WNK2: variants seen among roughly 807,000 people sequenced by gnomAD.
The protein encoded by WNK2 is serine/threonine-protein kinase WNK2.
Under a neutral mutation model 192.1 loss-of-function variants are expected in WNK2, and 67 were observed. That is an observed-to-expected ratio of 0.35 (90% CI 0.29 to 0.43). The LOEUF (loss-of-function observed/expected upper bound fraction) is 0.43, where lower values mean the gene tolerates loss of function less well. Among genes scored for constraint, WNK2 ranks in the 20% least tolerant of loss-of-function variants. The pLI is 1.00. For missense variants in WNK2, 2,698 were observed against 3,089.7 expected (o/e 0.87, Z 3.01); for synonymous variants, 1,439 against 1,393.9 (o/e 1.03, Z -0.72).
intron 7 of WNK2, among the ~76,000 whole-genome samples, chr9:93,246,959 A>G (rs1052342408): frequency 6.6e-6 from 1 of 152,258 alleles, no homozygotes; most frequent in African/African-American, 2.4e-5. Flanking sequence ...TGGCGAGCTC[A>G]TGATGTTTCC....
chr9:93,231,222 A>G, intron 4 of WNK2, 114 bp downstream of exon 4: 1 of 1,054,264 alleles, frequency 9.5e-7, no homozygotes, highest in Non-Finnish European at 1.4e-6. Context: ...CAGTGGGAGG[A>G]GCGTCTGGGC....
At chr9:93,249,721 G>A (rs557098236) in intron 8 of WNK2, among the ~76,000 whole-genome samples, 11 of 151,954 alleles carry the variant, frequency 7.2e-5, no homozygotes, top group South Asian at 4.2e-4. Flanking sequence ...TGATCCGCCC[G>A]CCTCAGCCTC....
chr9:93,256,907 C>T, intron 10 of WNK2, 41 bp from the exon 11 acceptor site: 1 of 1,511,624 alleles, frequency 6.6e-7, no homozygotes. Context: ...CTTGTCTGGG[C>T]AGATTGGTGG....
chr9:93,226,076 C>T (rs1044731956), intron 2 of WNK2, among the ~76,000 whole-genome samples: 25 of 152,196 alleles, frequency 1.6e-4, no homozygotes, highest in Admixed American at 1.1e-3. Flanking sequence ...CGTTTGACAG[C>T]GTGTAGAATT....
rs765659687 is a variant in WNK2, at chr9:93,318,390, C to T, written c.6628+759C>T. On this transcript the variant is annotated intron_variant, in intron 29 of 29. Transcript: ENST00000427277. ...CTTTGTCCTCAGTAGAGTGCCGGTT[C>T]CCTGGGCTCATCCAGGGGCTGAGAG... 12 of 1,613,990 alleles carry T rather than the reference C, an allele frequency of 7.4e-6. No homozygotes were observed. The South Asian group carries it at 1.3e-4, about 18-fold the overall frequency.
chr9:93,208,271 C>T (rs1222848517), intron 2 of WNK2, among the ~76,000 whole-genome samples: 2 of 152,156 alleles, frequency 1.3e-5, no homozygotes, highest in African/African-American at 4.8e-5. Context: ...TGTTATCTGC[C>T]GCCCTCTCAC....
intron 26 of WNK2, 57 bp downstream of exon 26, chr9:93,300,206 A>G: frequency 8.9e-7 from 1 of 1,129,526 alleles, no homozygotes; most frequent in Non-Finnish European, 1.2e-6. Flanking sequence ...TTCTCCCCCC[A>G]CCCCCTCCCT....
intron 19 of WNK2, among the ~76,000 whole-genome samples, chr9:93,275,271 A>G (rs1424286558): frequency 2.0e-5 from 3 of 152,182 alleles, no homozygotes; most frequent in Admixed American, 2.0e-4. Context: ...AGTTGTAGCT[A>G]CTTGGGAGGC....
chr9:93,318,065 C>G (rs1214326931), intron 29 of WNK2: 1 of 1,610,474 alleles, frequency 6.2e-7, no homozygotes, highest in Non-Finnish European at 8.5e-7. Context: ...CACCCACTTC[C>G]TATACTTGAG....
At chr9:93,199,945 G>C (rs113860304) in intron 2 of WNK2, among the ~76,000 whole-genome samples, 9 of 150,626 alleles carry the variant, frequency 6.0e-5, no homozygotes, top group African/African-American at 7.3e-5. Context: ...AGCTAGGATG[G>C]GGGGGCAGCG....
rs751108584 is a variant in WNK2, at chr9:93,268,010, C to T, written c.3868-10C>T. 10 of 1,611,246 alleles carry T rather than the reference C, an allele frequency of 6.2e-6. No homozygotes were observed. Among genetic ancestry groups the T allele is most frequent in the Non-Finnish European group, 8.5e-7 (1 of 1,178,902 alleles). On this transcript the variant is annotated splice_polypyrimidine_tract_variant and intron_variant, in intron 17 of 29. Coordinates refer to ENST00000427277, the MANE Select transcript of WNK2 (RefSeq NM_006648.4). Reference sequence around the variant, plus strand: ...CAGTGGGCTCATTTCTGACCCTCCACCTCATTCAGGAGAGCCGACAATCCC... The same window carrying T: ...CAGTGGGCTCATTTCTGACCCTCCATCTCATTCAGGAGAGCCGACAATCCC...
chr9:93,319,172 T>C, intron 29 of WNK2: 1 of 1,613,956 alleles, frequency 6.2e-7, no homozygotes, highest in East Asian at 2.2e-5. Context: ...ATAGATTGTA[T>C]ATCTGAAGGA....
chr9:93,202,336 G>A (rs867418691), intron 2 of WNK2, among the ~76,000 whole-genome samples: 2,447 of 138,416 alleles, frequency 0.018, 61 homozygotes, highest in African/African-American at 0.057. Flanking sequence ...GTGTGTGTGT[G>A]TGTGTGTGTG....
At chr9:93,307,040 G>A (rs1249218999) in intron 27 of WNK2, 39 of 605,034 alleles carry the variant, frequency 6.4e-5, no homozygotes, top group Non-Finnish European at 3.8e-5. Flanking sequence ...GAGTTTGTGC[G>A]GTCTCGCCAG....
chr9:93,316,685 C>G (rs185508491), intron 28 of WNK2: 31 of 152,368 alleles, frequency 2.0e-4, no homozygotes, highest in Admixed American at 1.2e-3. Flanking sequence ...GTCTTGTCAT[C>G]TGCATGAGGC....
At chr9:93,258,574 C>A (rs533268742) in intron 11 of WNK2, among the ~76,000 whole-genome samples, 5 of 152,282 alleles carry the variant, frequency 3.3e-5, no homozygotes, top group Admixed American at 2.6e-4. Flanking sequence ...TCCTGCTGCT[C>A]ACACTATGTG....
At chr9:93,208,569 G>A (rs563185830) in intron 2 of WNK2, among the ~76,000 whole-genome samples, 16 of 74,270 alleles carry the variant, frequency 2.2e-4, no homozygotes, top group African/African-American at 6.6e-4. Context: ...TTTTGCACAC[G>A]TGTGTATTTG....
intron 12 of WNK2, 130 bp from the exon 13 acceptor site, chr9:93,261,684 C>T (rs564997898): frequency 3.9e-4 from 422 of 1,088,528 alleles, no homozygotes; most frequent in Non-Finnish European, 4.1e-4. Context: ...AGGGACTCCC[C>T]TTGGGGAGGG....
intron 2 of WNK2, among the ~76,000 whole-genome samples, chr9:93,201,476 C>T (rs535628333): frequency 6.6e-6 from 1 of 152,360 alleles, no homozygotes; most frequent in South Asian, 2.1e-4. Context: ...CCATGAGGCT[C>T]ATTCTTCCTG....
Sources: gnomAD v4.1 joint callset for allele counts (sites outside exome capture counted in the v4.1 genomes callset) on GRCh38, gnomAD v4.1.1 for gene constraint, MANE v1.5 for transcripts, NCBI Gene and HGNC (gene_info 2026-07-23, HGNC 2026-07-21) for gene names.